MIA3: variants seen among roughly 807,000 people sequenced by gnomAD.
The protein encoded by MIA3 is MIA SH3 domain ER export factor 3.
MIA3 carries 90 observed loss-of-function variants against 192.4 expected under a neutral mutation model. That is an observed-to-expected ratio of 0.47 (90% CI 0.39 to 0.56). The LOEUF is 0.56. Ranked by LOEUF, MIA3 falls within the 20% of genes least tolerant of loss-of-function variation. The probability of loss-of-function intolerance (pLI) is 0.00; values close to 1 mark genes in which losing one functional copy is unlikely to be tolerated. For synonymous variants in MIA3, 740 were observed against 792.8 expected (o/e 0.93, Z 1.12); for missense variants, 2,123 against 2,269.4 (o/e 0.94, Z 1.31).
chr1:222,662,238 T>C lies in MIA3; in HGVS notation c.5183-15T>C. Reference sequence around the variant, plus strand: ...AGTCAGAATAAGTCTACATCAGTTCTCTGGTCTTTAACAGATCCAGGATCT... The same window carrying C: ...AGTCAGAATAAGTCTACATCAGTTCCCTGGTCTTTAACAGATCCAGGATCT... On this transcript the variant is annotated splice_polypyrimidine_tract_variant and intron_variant, in intron 25 of 27. Transcript: ENST00000344922. The C allele has an allele frequency of 6.2e-7, 1 of 1,612,094 alleles. No individual in the cohort carries two copies. Among genetic ancestry groups the C allele is most frequent in the Non-Finnish European group, 8.5e-7 (1 of 1,178,196 alleles).
chr1:222,623,612 G>A (rs1401634105), intron 2 of MIA3, among the ~76,000 whole-genome samples: 1 of 152,176 alleles, frequency 6.6e-6, no homozygotes, highest in Non-Finnish European at 1.5e-5. Context: ...CTCCATGGCA[G>A]TATTTTACTA....
Position 222,665,693 on chromosome 1 carries a change from G to T in MIA3, c.*74G>T. On this transcript the variant is annotated 3_prime_UTR_variant, in exon 28 of 28. Transcript: ENST00000344922. ...TCCATTACAGTAAAGGATTTCATTG[G>T]CTTCAAAATCCAAAAGTTTATTTTA... is the stretch of plus-strand genomic sequence containing the variant. The T allele has an allele frequency of 7.9e-7, 1 of 1,267,340 alleles. No individual in the cohort carries two copies. Among genetic ancestry groups the T allele is most frequent in the Admixed American group, 2.9e-5 (1 of 34,128 alleles). 78.5% of individuals were successfully genotyped at this position (1,267,340 alleles called of 1,614,324 possible). A position where few individuals can be genotyped will look rare whatever the true frequency, so the allele number is the denominator to read the frequency against.
Position 222,628,454 on chromosome 1 carries a change from AAAG to A in MIA3, c.1239_1241del (p.Glu413del), listed in dbSNP as rs1343912752. 1.9e-6 allele frequency: 3 copies of A among 1,612,476 alleles called. No homozygotes were observed. The highest frequency in any genetic ancestry group is 2.7e-5 in the African/African-American group (2 of 74,690). On this transcript the variant is annotated inframe_deletion, in exon 4 of 28. Transcript: ENST00000344922. ...AGAGAGCTCTAGTTCAGAGGAAGAA[AAAG>A]AAGATGATGATGATGCATTAGTCCC...
intron 18 of MIA3, among the ~76,000 whole-genome samples, chr1:222,656,489 T>G (rs1383866674): frequency 1.3e-5 from 2 of 152,166 alleles, no homozygotes; most frequent in Non-Finnish European, 2.9e-5. Flanking sequence ...TCAAATGTTT[T>G]ATGCCTGCCC....
Position 222,653,247 on chromosome 1 carries a change from C to T in MIA3, c.4229C>T (p.Thr1410Ile). 3 of 1,613,004 alleles carry T rather than the reference C, an allele frequency of 1.9e-6. No individual in the cohort carries two copies. Among genetic ancestry groups the T allele is most frequent in the East Asian group, 2.2e-5 (1 of 44,864 alleles). ...TTCTAGGCTTTGACTAACTGCATTACACAGTTGAATCTGTTAGAGTGTGAA... is the reference window on the plus strand; with the variant it reads ...TTCTAGGCTTTGACTAACTGCATTATACAGTTGAATCTGTTAGAGTGTGAA... ...DNINALTNCI[T>I]QLNLLECESE... The change falls in exon 15 of 28, where the codon ACA becomes ATA. Residue 1410 changes from threonine to isoleucine, a missense_variant. Transcript: ENST00000344922.
rs1441824661 is a variant in MIA3 at position 222,666,883 on chromosome 1, A to T, written c.*1264A>T. 1.3e-5 allele frequency: 2 copies of T among 152,198 alleles called. No individual in the cohort carries two copies. The highest frequency in any genetic ancestry group is 1.3e-4 in the Admixed American group (2 of 15,280). 9.4% of individuals were successfully genotyped at this position (152,198 alleles called of 1,614,324 possible). A position where few individuals can be genotyped will look rare whatever the true frequency, so the allele number is the denominator to read the frequency against. On this transcript the variant is annotated 3_prime_UTR_variant, in exon 28 of 28. Coordinates refer to ENST00000344922, the MANE Select transcript of MIA3 (RefSeq NM_198551.4). ...TACAACGTTTCTAAGAACGAACTTC[A>T]GACATTTTAATTACAGTAATAATAG... is the stretch of plus-strand genomic sequence containing the variant.
intron 27 of MIA3, among the ~76,000 whole-genome samples, chr1:222,664,374 TTATA>T (rs1269349065): frequency 1.3e-5 from 2 of 152,204 alleles, no homozygotes. Flanking sequence ...AAGGGGCTAT[TTATA>T]AAAAGCCAGA....
chr1:222,654,896 A>G, intron 18 of MIA3, 103 bp downstream of exon 18: 2 of 996,530 alleles, frequency 2.0e-6, no homozygotes, highest in South Asian at 1.7e-5. Flanking sequence ...ACTCTTTTGC[A>G]TCTGTAATTA....
Position 222,630,188 on chromosome 1 carries a change from G to A in MIA3, c.2968G>A (p.Ala990Thr). 6.2e-7 allele frequency: 1 copy of A among 1,614,148 alleles called. No individual in the cohort carries two copies. The highest frequency in any genetic ancestry group is 8.5e-7 in the Non-Finnish European group (1 of 1,180,014). Residue 990 changes from alanine to threonine, a missense_variant, in exon 4 of 28, where the codon GCA becomes ACA. Around this residue, in one of 3 missense-constraint regions of MIA3, gnomAD observed 1,357 missense variants for 1,396.1 expected, o/e 0.97. Transcript: ENST00000344922. Reference protein sequence around the residue: ...RASESQILSIAEKMLDTRVAE... With the variant: ...RASESQILSITEKMLDTRVAE... ...TTCTGAGTCACAAATTCTGAGCATAGCAGAAAAAATGCTTGATACTCGTGT... is the reference window on the plus strand; with the variant it reads ...TTCTGAGTCACAAATTCTGAGCATAACAGAAAAAATGCTTGATACTCGTGT...
chr1:222,657,413 G>T (rs1445050517), intron 18 of MIA3, among the ~76,000 whole-genome samples: 1 of 152,128 alleles, frequency 6.6e-6, no homozygotes, highest in Admixed American at 6.5e-5. Context: ...TATCTGCATT[G>T]TCTTCAATGC....
intron 5 of MIA3, among the ~76,000 whole-genome samples, chr1:222,632,710 C>T (rs1662453852): frequency 6.6e-6 from 1 of 152,228 alleles, no homozygotes; most frequent in Admixed American, 6.5e-5. Flanking sequence ...ATGCAAATTA[C>T]AGTTGGAGAA....
chr1:222,636,616 G>A (rs545931566), intron 6 of MIA3, among the ~76,000 whole-genome samples: 15 of 149,198 alleles, frequency 1.0e-4, no homozygotes, highest in South Asian at 4.3e-4. Context: ...GGGTTCAAGC[G>A]ATTCTCCTGC....
In MIA3 at chr1:222,628,131, A is replaced by T. The variant is rs1662205026; in HGVS notation, c.911A>T (p.Asp304Val). 6 of 1,613,998 alleles carry T rather than the reference A, an allele frequency of 3.7e-6. No homozygotes were observed. Among genetic ancestry groups the T allele is most frequent in the Non-Finnish European group, 5.1e-6 (6 of 1,180,024 alleles). The change falls in exon 4 of 28, where the codon GAT (aspartate) becomes GTT (valine). Residue 304 changes from aspartate to valine, a missense_variant. Coordinates refer to ENST00000344922, the MANE Select transcript of MIA3 (RefSeq NM_198551.4). ...GTTACTTCATTAGAAGATGATTTTGATGAGGAATTGGATACTGAGTATTAT... is the reference window on the plus strand; with the variant it reads ...GTTACTTCATTAGAAGATGATTTTGTTGAGGAATTGGATACTGAGTATTAT... ...RLVTSLEDDFDEELDTEYYAV... is the reference protein window; with the variant it reads ...RLVTSLEDDFVEELDTEYYAV...
At chr1:222,653,441 G>A in intron 15 of MIA3, 102 bp downstream of exon 15, 1 of 712,278 alleles carries the variant, frequency 1.4e-6, no homozygotes, top group Non-Finnish European at 2.4e-6. Flanking sequence ...AGCTTTCGAG[G>A]TGTAAATACA....
chr1:222,658,556 A>T, intron 18 of MIA3, 166 bp from the exon 19 acceptor site: 1 of 481,168 alleles, frequency 2.1e-6, no homozygotes, highest in South Asian at 2.9e-5. Flanking sequence ...TCAACAGGCC[A>T]CAGTTGGATT....
At chr1:222,651,247 T>G (rs1278548688) in intron 11 of MIA3, among the ~76,000 whole-genome samples, 1 of 151,674 alleles carries the variant, frequency 6.6e-6, no homozygotes, top group Non-Finnish European at 1.5e-5. Flanking sequence ...TTTTATTTTA[T>G]TAATAGAATA....
chr1:222,660,062 TAA>T lies in MIA3; in HGVS notation c.4975+57_4975+58del, dbSNP rs1358804186. ...TCTGTTTTTTGATGTAAAATGTATATAAGTGACTTTTTGTTTCTGTGTGTAAT... is the reference window on the plus strand; with the variant it reads ...TCTGTTTTTTGATGTAAAATGTATATGTGACTTTTTGTTTCTGTGTGTAAT... On this transcript the variant is annotated intron_variant, in intron 23 of 27. Coordinates refer to ENST00000344922, the MANE Select transcript of MIA3 (RefSeq NM_198551.4). 5 of 1,582,362 alleles carry T rather than the reference TAA, an allele frequency of 3.2e-6. No individual in the cohort carries two copies. In the African/African-American group the frequency reaches 6.8e-5, roughly 22 times the overall value.
Position 222,628,987 on chromosome 1 carries a change from C to G in MIA3, c.1767C>G (p.Asn589Lys), listed in dbSNP as rs773991416. Residue 589 changes from asparagine to lysine, a missense_variant, in exon 4 of 28, where the codon AAC (asparagine) becomes AAG (lysine). Around this residue, in one of 3 missense-constraint regions of MIA3, gnomAD observed 1,357 missense variants for 1,396.1 expected, o/e 0.97. Transcript: ENST00000344922. Reference sequence around the variant, plus strand: ...CACTCATGGGAGATGACCACCCTAACGCATCCAGAGACAGTGTGGAGGGAG... The same window carrying G: ...CACTCATGGGAGATGACCACCCTAAGGCATCCAGAGACAGTGTGGAGGGAG... The part of the protein sequence containing the change: ...SAPLMGDDHP[N>K]ASRDSVEGDA... The G allele has an allele frequency of 1.2e-6, 2 of 1,614,154 alleles. No individual in the cohort carries two copies.
chr1:222,635,061 A>G (rs182431000), intron 6 of MIA3, among the ~76,000 whole-genome samples: 215 of 152,372 alleles, frequency 1.4e-3, no homozygotes, highest in African/African-American at 4.0e-3. Flanking sequence ...TGAGGGTTTC[A>G]GGAGAAAGAC....
Sources: gnomAD v4.1 joint callset for allele counts (sites outside exome capture counted in the v4.1 genomes callset) on GRCh38, gnomAD v4.1.1 for gene constraint, gnomAD v4.1.1 regional missense constraint, MANE v1.5 for transcripts, NCBI Gene and HGNC (gene_info 2026-07-23, HGNC 2026-07-21) for gene names.